GPR83: variants seen among roughly 807,000 people sequenced by gnomAD.
GPR83 encodes G protein-coupled receptor 83, also known as G-protein coupled receptor 72.
Under a neutral mutation model 28.0 loss-of-function variants are expected in GPR83, and 23 were observed. The observed-to-expected ratio is 0.82, with a 90% confidence interval of 0.59 to 1.16. The LOEUF (loss-of-function observed/expected upper bound fraction) is 1.16, where lower values mean the gene tolerates loss of function less well. GPR83 is among the 50% of genes most tolerant of loss of function. The pLI is 0.00. For synonymous variants in GPR83, 234 were observed against 215.4 expected (o/e 1.09, Z -0.76); for missense variants, 610 against 536.6 (o/e 1.14, Z -1.35).
chr11:94,382,140 G>A (rs1204089731), intron 3 of GPR83, among the ~76,000 whole-genome samples: 2 of 152,098 alleles, frequency 1.3e-5, no homozygotes, highest in Non-Finnish European at 2.9e-5. Context: ...ATCACCTGAG[G>A]TCAGGAGTTC....
intron 3 of GPR83, among the ~76,000 whole-genome samples, chr11:94,382,886 C>T (rs142064771): frequency 2.6e-5 from 4 of 152,204 alleles, no homozygotes; most frequent in East Asian, 3.9e-4. Context: ...CACTCAAGGC[C>T]GGGCACGGTG....
intron 3 of GPR83, among the ~76,000 whole-genome samples, chr11:94,391,273 G>A (rs1024351333): frequency 5.3e-5 from 8 of 152,094 alleles, no homozygotes; most frequent in Non-Finnish European, 1.2e-4. Flanking sequence ...CTAGCCATAT[G>A]TAGAAAACTG....
At position 94,384,376 on chromosome 11, in the gene GPR83, G is replaced by A. The variant is rs558052367; in HGVS notation, c.648-3603C>T. 2.5e-3 allele frequency among the ~76,000 whole-genome samples: 384 copies of A among 152,242 alleles called. 2 individuals are homozygous for A. Among genetic ancestry groups the A allele is most frequent in the African/African-American group, 8.9e-3 (368 of 41,542 alleles). On this transcript the variant is annotated intron_variant, in intron 3 of 3. Transcript: ENST00000243673. Reference sequence around the variant, plus strand: ...TTTATGGGGTGGTTCCAAGATGGCCGAATAGGAACAGCTCCAGTCTACAGC... The same window carrying A: ...TTTATGGGGTGGTTCCAAGATGGCCAAATAGGAACAGCTCCAGTCTACAGC...
rs200007274 is a variant in GPR83, at chr11:94,393,455, C to T, written c.647+30G>A. 36 of 1,611,212 alleles carry T rather than the reference C, an allele frequency of 2.2e-5. No individual in the cohort carries two copies. The East Asian group carries it at 5.8e-4, about 26-fold the overall frequency. ...CCTGACTCAGGAGAAGACACAAGTC[C>T]CCAGGCAGATCCCAACGAATTCATC... On this transcript the variant is annotated intron_variant, in intron 3 of 3. Transcript: ENST00000243673.
intron 3 of GPR83, among the ~76,000 whole-genome samples, chr11:94,385,051 G>C (rs993806235): frequency 1.8e-4 from 27 of 152,300 alleles, no homozygotes; most frequent in African/African-American, 6.5e-4. Context: ...AATATTTGCT[G>C]TTCTGCAGCC....
In GPR83 at chr11:94,393,487, G is replaced by C; in HGVS notation, c.645C>G (p.Tyr215Ter). 1 of 1,613,958 alleles carries C rather than the reference G, an allele frequency of 6.2e-7. No individual in the cohort carries two copies. The highest frequency in any genetic ancestry group is 1.1e-5 in the South Asian group (1 of 91,062). Residue 215 changes from tyrosine (Y) to a stop codon, truncating the protein, a stop_gained and splice_region_variant, in exon 3 of 4, where the codon TAC becomes TAG. Coordinates refer to ENST00000243673, the MANE Select transcript of GPR83 (RefSeq NM_016540.4). LOFTEE classifies it high-confidence loss of function. ...AGATCCCAACGAATTCATCTCACCTGTATTTGAAGGTAAATAATTTCTGGC... is the reference window on the plus strand; with the variant it reads ...AGATCCCAACGAATTCATCTCACCTCTATTTGAAGGTAAATAATTTCTGGC... ...AICQKLFTFK[Y>*]SEDIVRSLCL...
At chr11:94,389,109 T>C (rs1394905811) in intron 3 of GPR83, among the ~76,000 whole-genome samples, 45 of 152,048 alleles carry the variant, frequency 3.0e-4, no homozygotes, top group Admixed American at 7.2e-4. Flanking sequence ...GCTGGGAAAA[T>C]TGGCTAGCCA....
At chr11:94,392,689 G>T (rs979974151) in intron 3 of GPR83, among the ~76,000 whole-genome samples, 3 of 152,118 alleles carry the variant, frequency 2.0e-5, no homozygotes, top group African/African-American at 7.2e-5. Context: ...AGCTAGGCAT[G>T]ATGGTGCGTG....
intron 1 of GPR83, among the ~76,000 whole-genome samples, chr11:94,397,460 G>C (rs1326219539): frequency 6.6e-6 from 1 of 152,192 alleles, no homozygotes; most frequent in East Asian, 1.9e-4. Flanking sequence ...GATGGGAGTG[G>C]GCAGAGGCAC....
rs200200146 is a variant in GPR83, at chr11:94,379,370, CAAAAAAAAAAA to C, written c.*768_*778del. 1 of 53,726 alleles carries C rather than the reference CAAAAAAAAAAA, an allele frequency of 1.9e-5. No individual in the cohort carries two copies. Among genetic ancestry groups the C allele is most frequent in the African/African-American group, 7.5e-5 (1 of 13,248 alleles). 3.3% of individuals were successfully genotyped at this position (53,726 alleles called of 1,614,324 possible). A position where few individuals can be genotyped will look rare whatever the true frequency, so the allele number is the denominator to read the frequency against. On this transcript the variant is annotated 3_prime_UTR_variant, in exon 4 of 4. Coordinates refer to ENST00000243673, the MANE Select transcript of GPR83 (RefSeq NM_016540.4). ...TGGGTGACAGAGCGAGATTCCATCTCAAAAAAAAAAAAAAAAAGAAAAAAAAAAGGTCATGC... is the reference window on the plus strand; with the variant it reads ...TGGGTGACAGAGCGAGATTCCATCTCAAAAAAGAAAAAAAAAAGGTCATGC...
intron 3 of GPR83, among the ~76,000 whole-genome samples, chr11:94,387,869 C>T (rs568604896): frequency 2.0e-5 from 3 of 152,166 alleles, no homozygotes; most frequent in African/African-American, 7.2e-5. Flanking sequence ...GGCAGAGACA[C>T]AACAAAAAGA....
At chr11:94,381,582 C>CACGT (rs1565183706) in intron 3 of GPR83, among the ~76,000 whole-genome samples, 15 of 26,384 alleles carry the variant, frequency 5.7e-4, no homozygotes, top group East Asian at 1.7e-3. Flanking sequence ...TGTGTGTGCG[C>CACGT]GCGTGCTGCA....
intron 3 of GPR83, among the ~76,000 whole-genome samples, chr11:94,389,262 G>A (rs1944790562): frequency 6.6e-6 from 1 of 152,144 alleles, no homozygotes; most frequent in African/African-American, 2.4e-5. Context: ...ACACAGGCAT[G>A]GGCAAGGACT....
chr11:94,380,710 C>T lies in GPR83; in HGVS notation c.711G>A (p.Lys237=). Reference sequence around the variant, plus strand: ...GGATGAAGGTGGCCAAGTCCAGGTACTTCCAGAAGAGGTCAGCTGGCTCAG... The same window carrying T: ...GGATGAAGGTGGCCAAGTCCAGGTATTTCCAGAAGAGGTCAGCTGGCTCAG... ...DFPEPADLFW[K]YLDLATFILL... Residue 237 remains lysine (K), a synonymous_variant, in exon 4 of 4, where the codon AAG becomes AAA. Transcript: ENST00000243673. 1 of 1,613,070 alleles carries T rather than the reference C, an allele frequency of 6.2e-7. No homozygotes were observed.
chr11:94,398,149 T>TG (rs1944882766), intron 1 of GPR83, among the ~76,000 whole-genome samples: 1 of 152,232 alleles, frequency 6.6e-6, no homozygotes, highest in African/African-American at 2.4e-5. Context: ...TTATAGCCTC[T>TG]GAACAGCTTT....
At chr11:94,387,209 C>A (rs954356504) in intron 3 of GPR83, among the ~76,000 whole-genome samples, 2 of 152,072 alleles carry the variant, frequency 1.3e-5, no homozygotes, top group African/African-American at 2.4e-5. Flanking sequence ...GCACTAAATG[C>A]CCACAAGGGA....
At chr11:94,383,629 C>T (rs1040296995) in intron 3 of GPR83, among the ~76,000 whole-genome samples, 1 of 151,938 alleles carries the variant, frequency 6.6e-6, no homozygotes, top group South Asian at 2.1e-4. Context: ...CGAATAGATG[C>T]AATAAAAAAT....
intron 2 of GPR83, among the ~76,000 whole-genome samples, chr11:94,393,960 G>T (rs1944842818): frequency 6.6e-6 from 1 of 152,080 alleles, no homozygotes; most frequent in Admixed American, 6.5e-5. Flanking sequence ...AGGAGTCCCA[G>T]CCATGCCCCA....
At chr11:94,384,407 G>T (rs1944726331) in intron 3 of GPR83, among the ~76,000 whole-genome samples, 2 of 152,184 alleles carry the variant, frequency 1.3e-5, no homozygotes, top group South Asian at 4.1e-4. Flanking sequence ...ACAGCTCCCA[G>T]TGTGAGCGAC....
Sources: allele counts gnomAD v4.1 joint callset (sites outside exome capture counted in the v4.1 genomes callset), GRCh38; gene constraint gnomAD v4.1.1; transcripts MANE v1.5; gene names NCBI Gene and HGNC (gene_info 2026-07-23, HGNC 2026-07-21).